The following SLC9A9 variants were observed in gnomAD, a reference collection of about 807,000 sequenced individuals.
SLC9A9 encodes sodium/hydrogen exchanger 9.
A neutral mutation model predicts 77.8 loss-of-function variants in SLC9A9; 62 were observed. The ratio of observed to expected loss-of-function variants is 0.80; its 90% CI spans 0.65 to 0.98. SLC9A9 has a LOEUF of 0.98. Among genes scored for constraint, SLC9A9 ranks in the 50% least tolerant of loss-of-function variants. SLC9A9 has a pLI of 0.00. For missense variants in SLC9A9, 775 were observed against 774.9 expected (o/e 1.00, Z 0.00); for synonymous variants, 320 against 283.5 (o/e 1.13, Z -1.29).
intron 14 of SLC9A9, among the ~76,000 whole-genome samples, chr3:143,281,390 C>A (rs980840162): frequency 6.6e-6 from 1 of 152,156 alleles, no homozygotes; most frequent in Non-Finnish European, 1.5e-5. Flanking sequence ...AATGCTGGTT[C>A]TGAGTTACCT....
intron 6 of SLC9A9, among the ~76,000 whole-genome samples, chr3:143,625,779 C>G (rs542113899): frequency 2.0e-5 from 3 of 152,260 alleles, no homozygotes; most frequent in East Asian, 1.9e-4. Flanking sequence ...TCTAATTAAA[C>G]TAAAGAGCTT....
At chr3:143,499,301 T>C (rs1430553206) in intron 9 of SLC9A9, among the ~76,000 whole-genome samples, 1 of 152,242 alleles carries the variant, frequency 6.6e-6, no homozygotes, top group Non-Finnish European at 1.5e-5. Flanking sequence ...GAATATCATA[T>C]ATCCTTATAA....
chr3:143,557,754 A>G (rs989309072), intron 8 of SLC9A9, among the ~76,000 whole-genome samples: 1 of 152,216 alleles, frequency 6.6e-6, no homozygotes, highest in African/African-American at 2.4e-5. Context: ...CTTGAGAGAG[A>G]TAATTTAGGG....
intron 2 of SLC9A9, among the ~76,000 whole-genome samples, chr3:143,799,393 A>G (rs1354620770): frequency 6.6e-6 from 1 of 152,226 alleles, no homozygotes; most frequent in Admixed American, 6.5e-5. Flanking sequence ...AAGGTGTACA[A>G]TAATAGAGTA....
intron 2 of SLC9A9, among the ~76,000 whole-genome samples, chr3:143,817,688 A>G (rs914687663): frequency 6.6e-6 from 1 of 152,174 alleles, no homozygotes; most frequent in Non-Finnish European, 1.5e-5. Context: ...AGGAAAATTC[A>G]TAGGTATTTG....
In SLC9A9 at chr3:143,266,687, T is replaced by C. The variant is rs1169204796; in HGVS notation, c.*15A>G. 1.5e-5 allele frequency: 24 copies of C among 1,613,642 alleles called. No homozygotes were observed. In the East Asian group the frequency reaches 2.7e-4, roughly 18 times the overall value. On this transcript the variant is annotated 3_prime_UTR_variant, in exon 16 of 16. Transcript: ENST00000316549. ...CTTGCATTACTTGTGATTACATCTG[T>C]ACTCTTCATGCCAATTAATTCAACT...
In SLC9A9 at chr3:143,265,705, A is replaced by G. The variant is rs781722758; in HGVS notation, c.*997T>C. On this transcript the variant is annotated 3_prime_UTR_variant, in exon 16 of 16. Coordinates refer to ENST00000316549, the MANE Select transcript of SLC9A9 (RefSeq NM_173653.4). ...CCACGCCTTGTAAGGGGGAGACCTG[A>G]GGCCCTGTCCTTGGCTCCTCAGTGT... 8.1e-5 allele frequency: 34 copies of G among 418,218 alleles called. No homozygotes were observed. Among genetic ancestry groups the G allele is most frequent in the Admixed American group, 3.8e-4 (9 of 23,640 alleles). 25.9% of individuals were successfully genotyped at this position (418,218 alleles called of 1,614,324 possible).
chr3:143,649,109 T>C, intron 6 of SLC9A9, among the ~76,000 whole-genome samples: 1 of 152,228 alleles, frequency 6.6e-6, no homozygotes, highest in East Asian at 1.9e-4. Flanking sequence ...CACCAGATCT[T>C]CTGACTCTTA....
chr3:143,459,690 C>G (rs1440037533), intron 12 of SLC9A9, among the ~76,000 whole-genome samples: 1 of 152,078 alleles, frequency 6.6e-6, no homozygotes, highest in Admixed American at 6.6e-5. Flanking sequence ...GTCGATTTCT[C>G]AAACTCCCTT....
intron 14 of SLC9A9, among the ~76,000 whole-genome samples, chr3:143,311,940 A>G (rs554371817): frequency 2.0e-5 from 3 of 152,218 alleles, no homozygotes; most frequent in East Asian, 1.9e-4. Flanking sequence ...TCCCTATCCA[A>G]TGGGGAAAAG....
intron 12 of SLC9A9, among the ~76,000 whole-genome samples, chr3:143,447,642 T>C (rs1304252924): frequency 6.6e-6 from 1 of 152,100 alleles, no homozygotes; most frequent in East Asian, 1.9e-4. Flanking sequence ...CCCTATGCAA[T>C]GGACAAGCTT....
chr3:143,296,852 CCTT>C (rs2030293331), intron 14 of SLC9A9, among the ~76,000 whole-genome samples: 10 of 152,114 alleles, frequency 6.6e-5, no homozygotes, highest in African/African-American at 2.4e-4. Flanking sequence ...AATATCAAGT[CCTT>C]TGCCCATTTT....
chr3:143,490,760 T>A (rs1211097048), intron 11 of SLC9A9, among the ~76,000 whole-genome samples: 2 of 152,154 alleles, frequency 1.3e-5, no homozygotes, highest in Non-Finnish European at 2.9e-5. Context: ...CTCAAAACAG[T>A]GCCAATGAAA....
chr3:143,367,380 C>T (rs190666735), intron 13 of SLC9A9, among the ~76,000 whole-genome samples: 4 of 152,274 alleles, frequency 2.6e-5, no homozygotes, highest in African/African-American at 9.6e-5. Context: ...CCACTGATGA[C>T]TCAGCATTGA....
chr3:143,676,553 A>T (rs768603721), intron 5 of SLC9A9, among the ~76,000 whole-genome samples: 1 of 152,110 alleles, frequency 6.6e-6, no homozygotes, highest in Non-Finnish European at 1.5e-5. Flanking sequence ...CCTGCTCAAC[A>T]TGGTGAAACC....
intron 7 of SLC9A9, among the ~76,000 whole-genome samples, chr3:143,576,500 G>A (rs1189147428): frequency 1.3e-5 from 2 of 152,154 alleles, no homozygotes; most frequent in Non-Finnish European, 2.9e-5. Context: ...ATGAGGAGAT[G>A]CATAGAAAGG....
At chr3:143,814,082 G>C (rs905600124) in intron 2 of SLC9A9, among the ~76,000 whole-genome samples, 3 of 152,184 alleles carry the variant, frequency 2.0e-5, no homozygotes, top group Admixed American at 1.3e-4. Context: ...GACTAGCAGG[G>C]TTTGTGGGTA....
At chr3:143,471,183 G>A (rs1038022410) in intron 11 of SLC9A9, among the ~76,000 whole-genome samples, 5 of 152,208 alleles carry the variant, frequency 3.3e-5, no homozygotes, top group Non-Finnish European at 5.9e-5. Context: ...GGCACTGGAA[G>A]CACGGGGCTG....
At chr3:143,791,635 A>G (rs2008227809) in intron 4 of SLC9A9, among the ~76,000 whole-genome samples, 1 of 152,186 alleles carries the variant, frequency 6.6e-6, no homozygotes, top group Admixed American at 6.5e-5. Flanking sequence ...ATCATAACTA[A>G]TGCACTTAAT....
Sources: allele counts gnomAD v4.1 joint callset (sites outside exome capture counted in the v4.1 genomes callset), GRCh38; gene constraint gnomAD v4.1.1; transcripts MANE v1.5; gene names NCBI Gene and HGNC (gene_info 2026-07-23, HGNC 2026-07-21).